NAV2: variants seen among roughly 807,000 people sequenced by gnomAD.
NAV2 encodes neuron navigator 2.
NAV2 carries 54 observed loss-of-function variants against 223.2 expected under a neutral mutation model. The observed-to-expected ratio is 0.24, with a 90% CI of 0.19 to 0.30. NAV2 has a LOEUF of 0.30. Ranked by LOEUF, NAV2 falls within the 10% of genes least tolerant of loss-of-function variation. The probability of loss-of-function intolerance (pLI) is 1.00; values close to 1 mark genes in which losing one functional copy is unlikely to be tolerated. For missense variants in NAV2, 2,806 were observed against 3,147.5 expected (o/e 0.89, Z 2.60); for synonymous variants, 1,279 against 1,239.3 (o/e 1.03, Z -0.67).
chr11:19,678,085 G>A (rs2048769110), intron 1 of NAV2, among the ~76,000 whole-genome samples: 1 of 152,180 alleles, frequency 6.6e-6, no homozygotes, highest in African/African-American at 2.4e-5. Flanking sequence ...GCAGGAATAG[G>A]AGCGAGGGGA....
chr11:19,477,344 G>A (rs2042149553), intron 1 of NAV2, among the ~76,000 whole-genome samples: 1 of 152,196 alleles, frequency 6.6e-6, no homozygotes, highest in African/African-American at 2.4e-5. Context: ...GAGCTGCACT[G>A]ATTTTGTTTG....
In NAV2 at chr11:19,823,006, AG is replaced by A. The variant is rs1404274453; in HGVS notation, c.268-9477del. Among the ~76,000 whole-genome samples the A allele has an allele frequency of 3.3e-5, 5 of 152,228 alleles. No homozygotes were observed. The South Asian group carries it at 1.0e-3, about 32-fold the overall frequency. ...ACTTATGGGTTTTCCTTGAGGGAAA[AG>A]TTCCAGCATGGCTCTTGCTTAAACA... On this transcript the variant is annotated intron_variant, in intron 1 of 37. Coordinates refer to ENST00000349880, the MANE Select transcript of NAV2 (RefSeq NM_145117.5).
At chr11:20,072,563 A>G (rs532251591) in intron 22 of NAV2, among the ~76,000 whole-genome samples, 14 of 152,370 alleles carry the variant, frequency 9.2e-5, no homozygotes, top group South Asian at 6.2e-4. Flanking sequence ...CTTACTATCC[A>G]TGAACATGGA....
rs368390039 is a variant in NAV2, at chr11:19,877,390, T to C, written c.512-2479T>C. 5.3e-5 allele frequency among the ~76,000 whole-genome samples: 8 copies of C among 152,178 alleles called. No individual in the cohort carries two copies. In the East Asian group the frequency reaches 1.2e-3, roughly 22 times the overall value. On this transcript the variant is annotated intron_variant, in intron 4 of 37. Coordinates refer to ENST00000349880, the MANE Select transcript of NAV2 (RefSeq NM_145117.5). Reference sequence around the variant, plus strand: ...GCAGTACTTTCTCCCTCCAGTGAATTCAGTTTTGAGGGGAAATTGTTTTCT... The same window carrying C: ...GCAGTACTTTCTCCCTCCAGTGAATCCAGTTTTGAGGGGAAATTGTTTTCT...
At chr11:20,019,993 G>GT (rs1056121014) in intron 11 of NAV2, among the ~76,000 whole-genome samples, 8 of 125,968 alleles carry the variant, frequency 6.4e-5, no homozygotes, top group African/African-American at 1.4e-4. Context: ...TGGGCATGAG[G>GT]TAAAAAAAAA....
intron 1 of NAV2, among the ~76,000 whole-genome samples, chr11:19,807,322 C>T (rs1249880105): frequency 6.6e-6 from 1 of 152,160 alleles, no homozygotes; most frequent in Non-Finnish European, 1.5e-5. Context: ...CGGCCTCCTC[C>T]ACCCTCACCT....
rs766651911 is a variant in NAV2, at chr11:20,103,435, G to GCC, written c.6572+31_6572+32dup. On this transcript the variant is annotated intron_variant, in intron 33 of 37. Transcript: ENST00000349880. Reference sequence around the variant, plus strand: ...GTAAAGGCTGGTTCTGGACCTCATAGCCCCCCGGGAGAGAGTGCTGCCAGC... The same window carrying GCC: ...GTAAAGGCTGGTTCTGGACCTCATAGCCCCCCCCGGGAGAGAGTGCTGCCAGC... 2.5e-6 allele frequency: 4 copies of GCC among 1,606,864 alleles called. No individual in the cohort carries two copies. The African/African-American group carries it at 5.3e-5, about 21-fold the overall frequency.
At chr11:19,818,231 ATTTTTTTTTTTTT>A (rs34649376) in intron 1 of NAV2, among the ~76,000 whole-genome samples, 1 of 56,022 alleles carries the variant, frequency 1.8e-5, no homozygotes, top group African/African-American at 8.7e-5. Context: ...GTATTTAGTG[ATTTTTTTTTTTTT>A]TTTTTTTTTT....
chr11:20,082,586 T>C, intron 25 of NAV2: 1 of 1,614,086 alleles, frequency 6.2e-7, no homozygotes, highest in African/African-American at 1.3e-5. Flanking sequence ...GCGTTTTCTC[T>C]GGCAGGTCAA....
intron 1 of NAV2, among the ~76,000 whole-genome samples, chr11:19,691,209 A>G (rs1351337149): frequency 6.6e-6 from 1 of 152,154 alleles, no homozygotes; most frequent in Non-Finnish European, 1.5e-5. Flanking sequence ...AATAGAAGGC[A>G]AGCCATGTAT....
At chr11:19,593,989 C>A (rs528737385) in intron 1 of NAV2, among the ~76,000 whole-genome samples, 1 of 152,022 alleles carries the variant, frequency 6.6e-6, no homozygotes, top group Admixed American at 6.6e-5. Context: ...TTAATCCTCA[C>A]GACAACTCAT....
intron 3 of NAV2, 101 bp from the exon 4 acceptor site, chr11:19,868,824 G>A: frequency 3.4e-6 from 4 of 1,163,400 alleles, no homozygotes; most frequent in Non-Finnish European, 3.7e-6. Flanking sequence ...TCGTTCATCG[G>A]CCGTTTTTAC....
At chr11:19,625,189 T>G (rs2135446913) in intron 1 of NAV2, among the ~76,000 whole-genome samples, 1 of 152,354 alleles carries the variant, frequency 6.6e-6, no homozygotes, top group African/African-American at 2.4e-5. Context: ...TGATTTTGTA[T>G]TCTTCAACAA....
At chr11:19,718,152 G>A (rs1297341908) in intron 1 of NAV2, among the ~76,000 whole-genome samples, 4 of 145,116 alleles carry the variant, frequency 2.8e-5, no homozygotes, top group African/African-American at 1.0e-4. Context: ...CTTCCCCCAA[G>A]TATGAACATT....
chr11:19,893,085 T>A (rs1221069553), intron 6 of NAV2, among the ~76,000 whole-genome samples: 1 of 151,458 alleles, frequency 6.6e-6, no homozygotes, highest in African/African-American at 2.4e-5. Flanking sequence ...ATATAAGGAG[T>A]GGACAGCATT....
intron 1 of NAV2, among the ~76,000 whole-genome samples, chr11:19,464,536 G>C (rs1355108529): frequency 6.6e-6 from 1 of 152,132 alleles, no homozygotes; most frequent in Non-Finnish European, 1.5e-5. Flanking sequence ...TCCTCTTTAG[G>C]CCTCAGTTTT....
At chr11:20,041,026 G>A (rs980607398) in intron 12 of NAV2, among the ~76,000 whole-genome samples, 1 of 152,186 alleles carries the variant, frequency 6.6e-6, no homozygotes, top group African/African-American at 2.4e-5. Context: ...TCCCAGGCCA[G>A]GGGCATGTGC....
At chr11:19,886,486 A>G (rs1235126132) in intron 5 of NAV2, among the ~76,000 whole-genome samples, 1 of 152,190 alleles carries the variant, frequency 6.6e-6, no homozygotes, top group Non-Finnish European at 1.5e-5. Context: ...TTCCCTAACA[A>G]CACCAGGCCC....
At chr11:19,963,892 A>T (rs12289452) in intron 10 of NAV2, among the ~76,000 whole-genome samples, 65,824 of 152,010 alleles carry the variant, frequency 0.43, 16,103 homozygotes, top group Non-Finnish European at 0.54. Context: ...CCTTACCGCG[A>T]TGTGGCTTCC....
Sources: allele counts gnomAD v4.1 joint callset (sites outside exome capture counted in the v4.1 genomes callset), GRCh38; gene constraint gnomAD v4.1.1; transcripts MANE v1.5; gene names NCBI Gene and HGNC (gene_info 2026-07-23, HGNC 2026-07-21).